Variants in NFIA observed in about 807,000 individuals in gnomAD.
NFIA encodes nuclear factor I A.
NFIA carries 8 observed loss-of-function variants against 62.8 expected under a neutral mutation model. The observed-to-expected ratio is 0.13, with a 90% CI of 0.07 to 0.23. The LOEUF is 0.23. Ranked by LOEUF, NFIA falls within the 10% of genes least tolerant of loss-of-function variation. The probability of loss-of-function intolerance (pLI) is 1.00; values close to 1 mark genes in which losing one functional copy is unlikely to be tolerated. For missense variants in NFIA, 410 were observed against 642.1 expected (o/e 0.64, Z 3.91); for synonymous variants, 235 against 238.1 (o/e 0.99, Z 0.12).
At chr1:61,347,775 A>C (rs1243357536) in intron 4 of NFIA, among the ~76,000 whole-genome samples, 1 of 152,186 alleles carries the variant, frequency 6.6e-6, no homozygotes, top group African/African-American at 2.4e-5. Flanking sequence ...GGACAGAGAC[A>C]CTGTGTATCT....
intron 6 of NFIA, among the ~76,000 whole-genome samples, chr1:61,364,699 T>C (rs1324428557): frequency 6.6e-6 from 1 of 152,214 alleles, no homozygotes; most frequent in African/African-American, 2.4e-5. Context: ...GTTTGTTGTT[T>C]AGTATTAGCT....
chr1:61,271,724 C>A (rs1008269984), intron 2 of NFIA, among the ~76,000 whole-genome samples: 1 of 152,228 alleles, frequency 6.6e-6, no homozygotes, highest in African/African-American at 2.4e-5. Flanking sequence ...CACCCCGCCA[C>A]AGCTCCCCAT....
At chr1:61,245,068 G>A (rs1033393885) in intron 2 of NFIA, among the ~76,000 whole-genome samples, 3 of 152,144 alleles carry the variant, frequency 2.0e-5, no homozygotes, top group African/African-American at 7.2e-5. Flanking sequence ...TAGAAAAATG[G>A]CTGGGATGAA....
At chr1:61,391,331 G>C (rs1166093121) in intron 7 of NFIA, among the ~76,000 whole-genome samples, 1 of 151,858 alleles carries the variant, frequency 6.6e-6, no homozygotes, top group Non-Finnish European at 1.5e-5. Flanking sequence ...CAAAGTGCTG[G>C]GATTACAACA....
At chr1:61,394,770 T>A (rs1665180177) in intron 7 of NFIA, among the ~76,000 whole-genome samples, 4 of 152,182 alleles carry the variant, frequency 2.6e-5, no homozygotes, top group Admixed American at 2.6e-4. Context: ...TCAAATCCTA[T>A]GGGGTGAATT....
At chr1:61,122,607 G>C (rs924386310) in intron 2 of NFIA, among the ~76,000 whole-genome samples, 3 of 152,098 alleles carry the variant, frequency 2.0e-5, no homozygotes, top group Non-Finnish European at 4.4e-5. Flanking sequence ...TGCAACTGGG[G>C]AGGGCCAAAT....
chr1:61,319,835 A>ACC, intron 3 of NFIA, among the ~76,000 whole-genome samples: 4 of 140,964 alleles, frequency 2.8e-5, no homozygotes, highest in African/African-American at 7.8e-5. Context: ...ACACACACAC[A>ACC]CCAACTTTCA....
intron 7 of NFIA, among the ~76,000 whole-genome samples, chr1:61,390,297 A>G (rs559228248): frequency 6.6e-6 from 1 of 152,322 alleles, no homozygotes; most frequent in Admixed American, 6.5e-5. Context: ...TACGAAATGC[A>G]AACATGAGGT....
At chr1:61,314,381 A>G (rs1423816419) in intron 3 of NFIA, among the ~76,000 whole-genome samples, 2 of 152,206 alleles carry the variant, frequency 1.3e-5, no homozygotes, top group Non-Finnish European at 2.9e-5. Context: ...ATATTCAACA[A>G]AGGTTTCTTG....
At chr1:61,444,999 C>A (rs1207614874) in intron 10 of NFIA, among the ~76,000 whole-genome samples, 1 of 152,174 alleles carries the variant, frequency 6.6e-6, no homozygotes, top group Non-Finnish European at 1.5e-5. Flanking sequence ...AGAGCACTAC[C>A]AAGTGGAATT....
At chr1:61,417,454 G>A (rs1214521513) in intron 9 of NFIA, among the ~76,000 whole-genome samples, 1 of 150,896 alleles carries the variant, frequency 6.6e-6, no homozygotes, top group African/African-American at 2.4e-5. Flanking sequence ...TCTAACCTAT[G>A]GAGTATGCTC....
At chr1:61,180,273 A>G (rs756191121) in intron 2 of NFIA, among the ~76,000 whole-genome samples, 1 of 152,140 alleles carries the variant, frequency 6.6e-6, no homozygotes, top group Non-Finnish European at 1.5e-5. Context: ...TTTGTGGCCT[A>G]AAGAGGCAAA....
intron 2 of NFIA, among the ~76,000 whole-genome samples, chr1:61,261,542 A>G (rs1294716574): frequency 1.3e-5 from 2 of 152,224 alleles, no homozygotes; most frequent in African/African-American, 4.8e-5. Flanking sequence ...TGCATTTTCA[A>G]CTGATGATAC....
chr1:61,294,741 A>G (rs375749347), intron 3 of NFIA, among the ~76,000 whole-genome samples: 1 of 152,216 alleles, frequency 6.6e-6, no homozygotes, highest in African/African-American at 2.4e-5. Flanking sequence ...TAAATGCAGA[A>G]CTAAATGCAT....
rs1207482206 is a variant in NFIA at position 61,416,157 on chromosome 1, G to C, written c.1420+9430G>C. Among the ~76,000 whole-genome samples the C allele has an allele frequency of 1.4e-4, 21 of 152,262 alleles. No homozygotes were observed. The South Asian group carries it at 2.7e-3, about 20-fold the overall frequency. On this transcript the variant is annotated intron_variant, in intron 9 of 10. Coordinates refer to ENST00000403491, the MANE Select transcript of NFIA (RefSeq NM_001134673.4). ...ATAGTGGTTTACTCCAGGGAAAGGG[G>C]CAAGGTTGTTGGCAGACAACTTTTT...
At chr1:61,282,221 A>G (rs1658180115) in intron 3 of NFIA, among the ~76,000 whole-genome samples, 1 of 152,040 alleles carries the variant, frequency 6.6e-6, no homozygotes, top group African/African-American at 2.4e-5. Context: ...TGTTTGAAAC[A>G]TCACCATTTC....
At chr1:61,393,834 C>G (rs1665134273) in intron 7 of NFIA, among the ~76,000 whole-genome samples, 1 of 152,194 alleles carries the variant, frequency 6.6e-6, no homozygotes, top group South Asian at 2.1e-4. Flanking sequence ...CTAGCTGTGG[C>G]TTGTTCCTGC....
At chr1:61,253,637 AAG>A (rs1365349294) in intron 2 of NFIA, 2 of 152,212 alleles carry the variant, frequency 1.3e-5, no homozygotes, top group East Asian at 3.9e-4. Flanking sequence ...TCAAATAAGG[AAG>A]AGAACAGAAT....
chr1:61,126,462 A>ACACACACTCACT (rs1553153085), intron 2 of NFIA, among the ~76,000 whole-genome samples: 1 of 145,820 alleles, frequency 6.9e-6, no homozygotes, highest in Non-Finnish European at 1.5e-5. Flanking sequence ...ACACACACAC[A>ACACACACTCACT]CACACACACA....
Sources: allele counts gnomAD v4.1 joint callset (sites outside exome capture counted in the v4.1 genomes callset), GRCh38; gene constraint gnomAD v4.1.1; transcripts MANE v1.5; gene names NCBI Gene and HGNC (gene_info 2026-07-23, HGNC 2026-07-21).